The following ERC2 variants were observed in gnomAD, a reference collection of about 807,000 sequenced individuals.
ERC2 encodes the protein ELKS/RAB6-interacting/CAST family member 2, also known as ERC protein 2.
In ERC2, 42 loss-of-function variants were observed where a neutral mutation model predicts 114.8. The observed-to-expected ratio is 0.37, with a 90% confidence interval of 0.29 to 0.47. The LOEUF (loss-of-function observed/expected upper bound fraction) is 0.47, where lower values mean the gene tolerates loss of function less well. Among genes scored for constraint, ERC2 ranks in the 20% least tolerant of loss-of-function variants. The pLI is 0.99. For missense variants in ERC2, 939 were observed against 1,150.7 expected, an observed-to-expected ratio of 0.82 and a Z score of 2.66; for synonymous variants, 454 against 425.5, an observed-to-expected ratio of 1.07 and a Z score of -0.82.
intron 2 of ERC2, among the ~76,000 whole-genome samples, chr3:56,363,814 G>A (rs1012787843): frequency 7.3e-6 from 1 of 137,160 alleles, no homozygotes; most frequent in Non-Finnish European, 1.6e-5. Flanking sequence ...AGGGAGGGAG[G>A]GAGAAAGGGA....
At chr3:55,770,867 C>T (rs1035431497) in intron 14 of ERC2, among the ~76,000 whole-genome samples, 44 of 149,772 alleles carry the variant, frequency 2.9e-4, no homozygotes, top group Admixed American at 2.0e-4. Context: ...CATTGTTCAA[C>T]TCCCACCTAT....
At chr3:55,913,281 G>A (rs1004094276) in intron 13 of ERC2, among the ~76,000 whole-genome samples, 2 of 152,102 alleles carry the variant, frequency 1.3e-5, no homozygotes, top group Non-Finnish European at 2.9e-5. Flanking sequence ...TGGCCACAGT[G>A]TAATCTATAA....
At chr3:56,178,317 T>C (rs1210328267) in intron 3 of ERC2, among the ~76,000 whole-genome samples, 1 of 152,212 alleles carries the variant, frequency 6.6e-6, no homozygotes, top group Non-Finnish European at 1.5e-5. Flanking sequence ...CCCATTATTG[T>C]TCTGTAAATC....
chr3:56,457,463 A>G (rs760039178), intron 1 of ERC2, among the ~76,000 whole-genome samples: 6 of 152,154 alleles, frequency 3.9e-5, no homozygotes, highest in Admixed American at 3.9e-4. Context: ...TCTCTTCCCA[A>G]TGTCAAGTCC....
intron 14 of ERC2, among the ~76,000 whole-genome samples, chr3:55,747,763 C>T (rs1466305406): frequency 6.6e-6 from 1 of 152,236 alleles, no homozygotes; most frequent in African/African-American, 2.4e-5. Flanking sequence ...TCAATGACCA[C>T]AAATTAATTT....
chr3:55,899,506 T>C lies in ERC2; in HGVS notation c.2404-10957A>G, dbSNP rs142052014. Among the ~76,000 whole-genome samples, 62 of 152,248 alleles carry C rather than the reference T, an allele frequency of 4.1e-4. No homozygotes were observed. The East Asian group carries it at 0.011, about 28-fold the overall frequency. On this transcript the variant is annotated intron_variant, in intron 13 of 17. Transcript: ENST00000288221. Reference sequence around the variant, plus strand: ...ATTATGGAATACGTGTGTGAGTGTGTGTGTGTGAGAGAGAGAGTGTGTGTG... The same window carrying C: ...ATTATGGAATACGTGTGTGAGTGTGCGTGTGTGAGAGAGAGAGTGTGTGTG...
At chr3:55,785,903 C>T (rs979367072) in intron 14 of ERC2, among the ~76,000 whole-genome samples, 4 of 152,154 alleles carry the variant, frequency 2.6e-5, no homozygotes, top group Non-Finnish European at 4.4e-5. Flanking sequence ...TGTTCCAACT[C>T]GGTGGTTACA....
intron 14 of ERC2, among the ~76,000 whole-genome samples, chr3:55,811,472 C>T (rs1168028727): frequency 6.6e-6 from 1 of 152,146 alleles, no homozygotes; most frequent in South Asian, 2.1e-4. Context: ...TTAAAAGAGG[C>T]AAATGGCACA....
intron 17 of ERC2, among the ~76,000 whole-genome samples, chr3:55,681,675 A>G (rs2062060831): frequency 6.6e-6 from 1 of 152,262 alleles, no homozygotes; most frequent in South Asian, 2.1e-4. Context: ...TTATTACAGC[A>G]TACTAAAGTA....
intron 13 of ERC2, among the ~76,000 whole-genome samples, chr3:55,916,033 G>A (rs1332669082): frequency 1.3e-5 from 2 of 152,138 alleles, no homozygotes; most frequent in Non-Finnish European, 2.9e-5. Context: ...ACACAGAGCT[G>A]CTGATGCAAA....
chr3:55,570,182 GTC>G (rs573691170), intron 17 of ERC2, among the ~76,000 whole-genome samples: 1 of 151,978 alleles, frequency 6.6e-6, no homozygotes, highest in Non-Finnish European at 1.5e-5. Context: ...TATTCATTGA[GTC>G]TCTCCATTTC....
chr3:55,776,077 G>A lies in ERC2; in HGVS notation c.2565-41159C>T, dbSNP rs78894180. On this transcript the variant is annotated intron_variant, in intron 14 of 17. Transcript: ENST00000288221. ...GGGCAAGAGGGGGCCCTACTGTGAA[G>A]GCCTGCATATCAAAACACCAACACA... 9.4e-3 allele frequency among the ~76,000 whole-genome samples: 1,435 copies of A among 151,916 alleles called. 25 individuals are homozygous for A. Among genetic ancestry groups the A allele is most frequent in the African/African-American group, 0.033 (1,367 of 41,318 alleles).
chr3:55,547,636 AG>A, intron 17 of ERC2, among the ~76,000 whole-genome samples: 1 of 152,324 alleles, frequency 6.6e-6, no homozygotes, highest in South Asian at 2.1e-4. Flanking sequence ...CTCAGTCCCC[AG>A]GAAGTCTCAG....
intron 12 of ERC2, among the ~76,000 whole-genome samples, chr3:55,952,165 ACACACACACACACACTC>A (rs2067581696): frequency 1.2e-5 from 1 of 85,926 alleles, no homozygotes; most frequent in East Asian, 2.8e-4. Context: ...ACACACACAC[ACACACACACACACACTC>A]TCTCTCTCTC....
chr3:55,561,470 T>C (rs1203598431), intron 17 of ERC2, among the ~76,000 whole-genome samples: 2 of 152,190 alleles, frequency 1.3e-5, no homozygotes. Flanking sequence ...CAAAGGCATT[T>C]ATGGGCATTT....
At chr3:55,654,195 T>C (rs897516638) in intron 17 of ERC2, among the ~76,000 whole-genome samples, 2 of 152,232 alleles carry the variant, frequency 1.3e-5, no homozygotes, top group Non-Finnish European at 2.9e-5. Flanking sequence ...TCCTCTTTCA[T>C]TCCAGGCTGT....
chr3:55,721,510 G>A (rs1486143888), intron 15 of ERC2, among the ~76,000 whole-genome samples: 3 of 152,190 alleles, frequency 2.0e-5, no homozygotes, highest in Non-Finnish European at 4.4e-5. Flanking sequence ...AAACTACAAG[G>A]GCTTAGAGGT....
chr3:56,073,998 G>A (rs570423984), intron 7 of ERC2, among the ~76,000 whole-genome samples: 4 of 133,690 alleles, frequency 3.0e-5, no homozygotes, highest in Non-Finnish European at 5.1e-5. Context: ...CATGTAATTC[G>A]TTCCCTACTT....
At chr3:55,784,906 A>G (rs1345320958) in intron 14 of ERC2, among the ~76,000 whole-genome samples, 1 of 152,210 alleles carries the variant, frequency 6.6e-6, no homozygotes, top group East Asian at 1.9e-4. Flanking sequence ...CATCCATTAT[A>G]TTACTTACCC....
Sources: gnomAD v4.1 joint callset for allele counts (sites outside exome capture counted in the v4.1 genomes callset) on GRCh38, gnomAD v4.1.1 for gene constraint, MANE v1.5 for transcripts, NCBI Gene and HGNC (gene_info 2026-07-23, HGNC 2026-07-21) for gene names.